The following SRFBP1 variants were observed in gnomAD, a reference collection of about 807,000 sequenced individuals.
The protein encoded by SRFBP1 is serum response factor binding protein 1, also known as serum response factor-binding protein 1.
SRFBP1 carries 47 observed loss-of-function variants against 45.5 expected under a neutral mutation model. That is an observed-to-expected ratio of 1.03 (90% CI 0.82 to 1.32). SRFBP1 has a LOEUF of 1.32. SRFBP1 is among the 40% of genes most tolerant of loss of function. The probability of loss-of-function intolerance (pLI) is 0.00; values close to 1 mark genes in which losing one functional copy is unlikely to be tolerated. For missense variants in SRFBP1, 621 were observed against 484.6 expected, an observed-to-expected ratio of 1.28 and a Z score of -2.64; for synonymous variants, 203 against 166.3, an observed-to-expected ratio of 1.22 and a Z score of -1.70.
At chr5:122,050,013 T>C (rs180900547) in intron 2 of SRFBP1, among the ~76,000 whole-genome samples, 15 of 152,276 alleles carry the variant, frequency 9.9e-5, no homozygotes, top group African/African-American at 2.4e-4. Flanking sequence ...ACGTGGTTAT[T>C]ATTTGTAGTT....
At chr5:121,967,213 T>C (rs764056264) in intron 1 of SRFBP1, among the ~76,000 whole-genome samples, 9 of 152,326 alleles carry the variant, frequency 5.9e-5, no homozygotes, top group Non-Finnish European at 1.2e-4. Flanking sequence ...CCTCCACATA[T>C]TGTAAAACAT....
downstream of SRFBP1, chr5:122,076,146 C>T (rs1181039527): frequency 6.6e-6 from 1 of 152,226 alleles, no homozygotes; most frequent in African/African-American, 2.4e-5. Context: ...TGGATTTCTT[C>T]ACTTCCTTTA....
chr5:122,064,716 G>A (rs1754252844), intron 2 of SRFBP1: 1 of 151,962 alleles, frequency 6.6e-6, no homozygotes, highest in Non-Finnish European at 1.5e-5. Flanking sequence ...GTTATAGACA[G>A]TCTTTTTTAT....
chr5:122,009,090 A>G lies in SRFBP1; in HGVS notation c.271-10170A>G, dbSNP rs1753037286. On this transcript the variant is annotated intron_variant, in intron 4 of 7. Transcript: ENST00000339397. ...GAGTTCTAGTTAAAGTTGTATTGCT[A>G]GTCTTTTTCATTTTAGACATCCTAG... Among the ~76,000 whole-genome samples the G allele has an allele frequency of 1.3e-5, 2 of 152,304 alleles. 1 individual carries two copies. Among genetic ancestry groups the G allele is most frequent in the Admixed American group, 1.3e-4 (2 of 15,302 alleles).
chr5:122,035,046 T>TG (rs954547825), intron 2 of SRFBP1, among the ~76,000 whole-genome samples: 16 of 152,162 alleles, frequency 1.1e-4, no homozygotes, highest in African/African-American at 3.1e-4. Flanking sequence ...AGGTTTTTTT[T>TG]TTGTTGTTGT....
At chr5:121,996,818 T>G (rs1422629516) in intron 4 of SRFBP1, among the ~76,000 whole-genome samples, 1 of 139,354 alleles carries the variant, frequency 7.2e-6, no homozygotes, top group Non-Finnish European at 1.5e-5. Flanking sequence ...CAGCAAAGTC[T>G]CAGGATACAA....
In SRFBP1 at chr5:122,068,166, A is replaced by G. The variant is rs1470972641; in HGVS notation, n.312-7149A>G. On this transcript the variant is annotated intron_variant and non_coding_transcript_variant, in intron 2 of 2. Coordinates refer to the SRFBP1 transcript ENST00000504881. ...CTCTTGAAGTTTGTTACAGTCAGTA[A>G]TAACTAGTAAAAAAAAAAAAAAAAA... Among the ~76,000 whole-genome samples, 10 of 132,114 alleles carry G rather than the reference A, an allele frequency of 7.6e-5. 1 individual carries two copies. In the East Asian group the frequency reaches 2.4e-3, roughly 31 times the overall value. The allele number at this position is 132,114 out of a possible 152,430, so 86.7% of individuals were successfully genotyped here. A position where few individuals can be genotyped will look rare whatever the true frequency, so the allele number is the denominator to read the frequency against.
intron 2 of SRFBP1, among the ~76,000 whole-genome samples, chr5:122,054,425 C>G (rs1180491163): frequency 6.6e-6 from 1 of 152,174 alleles, no homozygotes; most frequent in Non-Finnish European, 1.5e-5. Context: ...TTGCTGGGTC[C>G]CCAGTGTGGT....
chr5:122,040,667 T>C (rs1291142523), intron 2 of SRFBP1, among the ~76,000 whole-genome samples: 2 of 152,174 alleles, frequency 1.3e-5, no homozygotes, highest in Non-Finnish European at 2.9e-5. Context: ...TTAGTTGATA[T>C]CGTAGGCACC....
chr5:122,039,477 A>T (rs532595452), intron 2 of SRFBP1, among the ~76,000 whole-genome samples: 4 of 152,332 alleles, frequency 2.6e-5, no homozygotes, highest in South Asian at 4.1e-4. Context: ...GCACCTGGGC[A>T]AATAATATTT....
intron 2 of SRFBP1, among the ~76,000 whole-genome samples, chr5:122,043,422 G>A (rs746892989): frequency 9.2e-5 from 14 of 152,000 alleles, no homozygotes; most frequent in Admixed American, 2.0e-4. Flanking sequence ...CACTCTGTTG[G>A]CCAGGCTGGT....
chr5:121,991,520 A>G (rs1752621748), intron 3 of SRFBP1, among the ~76,000 whole-genome samples: 1 of 152,192 alleles, frequency 6.6e-6, no homozygotes, highest in African/African-American at 2.4e-5. Context: ...TAATCTTTGA[A>G]TAGGAACACT....
chr5:122,056,149 C>T (rs1216487177), intron 2 of SRFBP1, among the ~76,000 whole-genome samples: 1 of 152,140 alleles, frequency 6.6e-6, no homozygotes, highest in East Asian at 1.9e-4. Context: ...ACTGCCCGTT[C>T]TATCTTCTCT....
intron 4 of SRFBP1, among the ~76,000 whole-genome samples, chr5:122,018,688 C>G (rs942482052): frequency 6.6e-6 from 1 of 152,056 alleles, no homozygotes; most frequent in Non-Finnish European, 1.5e-5. Flanking sequence ...AAGTCATTAG[C>G]CGGCATTATG....
chr5:122,035,427 A>G (rs1338015543), intron 2 of SRFBP1, among the ~76,000 whole-genome samples: 2 of 152,164 alleles, frequency 1.3e-5, no homozygotes, highest in Non-Finnish European at 2.9e-5. Flanking sequence ...AACTTTAATC[A>G]AATACTTCTT....
intron 2 of SRFBP1, among the ~76,000 whole-genome samples, chr5:122,037,035 A>G (rs1343911814): frequency 6.6e-6 from 1 of 151,844 alleles, no homozygotes; most frequent in African/African-American, 2.4e-5. Context: ...AGTAGCTGGG[A>G]TTACAGGCAT....
chr5:122,027,370 G>A lies in SRFBP1; in HGVS notation c.*244G>A. ...GCAGCTATTACTTAAACTCGTATTT[G>A]AATAAGTCTCTTGGGGAGAATTATA... On this transcript the variant is annotated 3_prime_UTR_variant, in exon 8 of 8. Transcript: ENST00000339397. 3.6e-6 allele frequency: 1 copy of A among 275,148 alleles called. No homozygotes were observed. The highest frequency in any genetic ancestry group is 6.8e-6 in the Non-Finnish European group (1 of 148,068). The allele number at this position is 275,148 out of a possible 1,614,324, so 17.0% of individuals were successfully genotyped here. A position where few individuals can be genotyped will look rare whatever the true frequency, so the allele number is the denominator to read the frequency against.
Position 122,020,405 on chromosome 5 carries a change from GA to G in SRFBP1, c.671del (p.Asp224AlafsTer4). The G allele has an allele frequency of 1.9e-6, 3 of 1,614,060 alleles. No individual in the cohort carries two copies. The highest frequency in any genetic ancestry group is 2.5e-6 in the Non-Finnish European group (3 of 1,179,996). ...CCTTGAGTCCCAGAAGACACCTGCTGACCCAAAACTGAAAACTCTAAGTCAA... is the reference window on the plus strand; with the variant it reads ...CCTTGAGTCCCAGAAGACACCTGCTGCCCAAAACTGAAAACTCTAAGTCAA... Reference protein sequence around the residue: ...VSLESQKTPADPKLKTLSQTK... With the variant: ...VSLESQKTPAXPKLKTLSQTK... On this transcript the variant is annotated frameshift_variant, in exon 6 of 8. Coordinates refer to ENST00000339397, the MANE Select transcript of SRFBP1 (RefSeq NM_152546.3). LOFTEE classifies it high-confidence loss of function.
chr5:122,000,800 A>T lies in SRFBP1; in HGVS notation c.270+6130A>T, dbSNP rs564105722. On this transcript the variant is annotated intron_variant, in intron 4 of 7. Coordinates refer to ENST00000339397, the MANE Select transcript of SRFBP1 (RefSeq NM_152546.3). ...CTCTCCAGATAGGAACCAGAAATTC[A>T]CAAGTCTCAACATCTGAATTTTAGA... Among the ~76,000 whole-genome samples, 6 of 152,204 alleles carry T rather than the reference A, an allele frequency of 3.9e-5. No individual in the cohort carries two copies. In the East Asian group the frequency reaches 9.7e-4, roughly 24 times the overall value.
Sources: gnomAD v4.1 joint callset for allele counts (sites outside exome capture counted in the v4.1 genomes callset) on GRCh38, gnomAD v4.1.1 for gene constraint, MANE v1.5 for transcripts, NCBI Gene and HGNC (gene_info 2026-07-23, HGNC 2026-07-21) for gene names.